CDH12: variants seen among roughly 807,000 people sequenced by gnomAD.
CDH12 encodes cadherin 12, also known as cadherin-12.
A neutral mutation model predicts 74.1 loss-of-function variants in CDH12; 41 were observed. That is an observed-to-expected ratio of 0.55 (90% CI 0.43 to 0.72). The LOEUF is 0.72. Ranked by LOEUF, CDH12 falls within the 30% of genes least tolerant of loss-of-function variation. CDH12 has a pLI of 0.00. For missense variants in CDH12, 945 were observed against 977.2 expected, an observed-to-expected ratio of 0.97 and a Z score of 0.44; for synonymous variants, 399 against 355.0, an observed-to-expected ratio of 1.12 and a Z score of -1.39.
intron 9 of CDH12, among the ~76,000 whole-genome samples, chr5:21,811,740 G>C (rs1747758562): frequency 6.9e-6 from 1 of 144,350 alleles, no homozygotes; most frequent in Non-Finnish European, 1.5e-5. Flanking sequence ...TTCTCAGAGT[G>C]GTAGGATGTG....
At chr5:22,316,803 T>C (rs1738651452) in intron 3 of CDH12, among the ~76,000 whole-genome samples, 1 of 152,152 alleles carries the variant, frequency 6.6e-6, no homozygotes, top group African/African-American at 2.4e-5. Context: ...ATGATATATA[T>C]TTATATTCAA....
intron 3 of CDH12, among the ~76,000 whole-genome samples, chr5:22,320,782 GGT>G (rs1738841563): frequency 6.6e-6 from 1 of 152,112 alleles, no homozygotes; most frequent in South Asian, 2.1e-4. Flanking sequence ...AAAAAACAAA[GGT>G]TTAGTTTTTA....
At chr5:21,899,865 A>G (rs1336406592) in intron 6 of CDH12, among the ~76,000 whole-genome samples, 4 of 151,928 alleles carry the variant, frequency 2.6e-5, no homozygotes, top group African/African-American at 9.7e-5. Flanking sequence ...GATAGAATTC[A>G]TTTTGTTCTT....
chr5:22,450,303 C>A (rs1188315705), intron 2 of CDH12, among the ~76,000 whole-genome samples: 2 of 151,652 alleles, frequency 1.3e-5, no homozygotes, highest in African/African-American at 2.4e-5. Context: ...ATTTTATATC[C>A]CCACGTCAAT....
At chr5:22,072,369 G>C (rs1742001419) in intron 5 of CDH12, among the ~76,000 whole-genome samples, 1 of 151,966 alleles carries the variant, frequency 6.6e-6, no homozygotes, top group South Asian at 2.1e-4. Context: ...AAGCCTCAGG[G>C]CTTACAAAAA....
intron 4 of CDH12, among the ~76,000 whole-genome samples, chr5:22,145,350 G>A (rs570821186): frequency 2.0e-5 from 3 of 152,042 alleles, no homozygotes; most frequent in African/African-American, 7.2e-5. Context: ...CTTTTTATGA[G>A]GCCTTTGTTC....
intron 1 of CDH12, among the ~76,000 whole-genome samples, chr5:22,740,067 A>T (rs1051048278): frequency 6.6e-6 from 1 of 152,158 alleles, no homozygotes; most frequent in Non-Finnish European, 1.5e-5. Context: ...TTTGGGGCAA[A>T]CAGGAATAAG....
At chr5:22,775,451 A>G (rs569899162) in intron 1 of CDH12, among the ~76,000 whole-genome samples, 70 of 152,192 alleles carry the variant, frequency 4.6e-4, no homozygotes, top group African/African-American at 1.7e-3. Flanking sequence ...AACAAACTAA[A>G]ATTTATCTTT....
intron 6 of CDH12, among the ~76,000 whole-genome samples, chr5:21,915,266 T>C (rs1175570483): frequency 1.3e-5 from 2 of 152,136 alleles, no homozygotes; most frequent in African/African-American, 4.8e-5. Flanking sequence ...ACATTAAAAT[T>C]GAGAAATTAT....
At chr5:22,368,469 T>TC (rs1475275363) in intron 3 of CDH12, among the ~76,000 whole-genome samples, 1 of 149,634 alleles carries the variant, frequency 6.7e-6, no homozygotes, top group Non-Finnish European at 1.5e-5. Flanking sequence ...CTGGCTAATT[T>TC]TTTTTTTTTT....
intron 4 of CDH12, among the ~76,000 whole-genome samples, chr5:22,196,266 T>C (rs1750613918): frequency 1.3e-5 from 2 of 151,300 alleles, no homozygotes; most frequent in Admixed American, 1.3e-4. Context: ...TGCCTCAGTC[T>C]CCTGCGTGGC....
chr5:22,478,640 T>G (rs192293973), intron 2 of CDH12, among the ~76,000 whole-genome samples: 1 of 151,950 alleles, frequency 6.6e-6, no homozygotes. Context: ...CATTGACTTC[T>G]GTCCTCAGAG....
chr5:21,904,145 A>C (rs191620328), intron 6 of CDH12, among the ~76,000 whole-genome samples: 2 of 152,246 alleles, frequency 1.3e-5, no homozygotes, highest in African/African-American at 4.8e-5. Flanking sequence ...TCTGCTAATA[A>C]ACTTCATGTT....
At chr5:22,679,715 C>T (rs1294675995) in intron 1 of CDH12, among the ~76,000 whole-genome samples, 1 of 151,956 alleles carries the variant, frequency 6.6e-6, no homozygotes, top group Admixed American at 6.6e-5. Context: ...TCATCATTTG[C>T]CCTTCTATTC....
At chr5:22,246,830 AAGGT>A (rs1167243377) in intron 3 of CDH12, among the ~76,000 whole-genome samples, 1 of 152,128 alleles carries the variant, frequency 6.6e-6, no homozygotes, top group African/African-American at 2.4e-5. Context: ...AATTTTTTTT[AAGGT>A]ATAAGACTGT....
intron 5 of CDH12, among the ~76,000 whole-genome samples, chr5:21,986,339 C>T (rs1049730384): frequency 2.0e-5 from 3 of 152,108 alleles, no homozygotes; most frequent in Admixed American, 2.0e-4. Flanking sequence ...TTGAATATTG[C>T]CTTCATGGCT....
At chr5:21,807,261 G>C (rs1435695899) in intron 9 of CDH12, among the ~76,000 whole-genome samples, 1 of 152,068 alleles carries the variant, frequency 6.6e-6, no homozygotes, top group African/African-American at 2.4e-5. Flanking sequence ...CGAATCAGCA[G>C]CACCCATTTG....
At chr5:22,144,698 T>C (rs1206141374) in intron 4 of CDH12, among the ~76,000 whole-genome samples, 3 of 152,088 alleles carry the variant, frequency 2.0e-5, no homozygotes, top group Non-Finnish European at 1.5e-5. Flanking sequence ...ACCATCTTGT[T>C]ATAAACCAAA....
At chr5:22,434,184 T>C (rs1234661680) in intron 2 of CDH12, among the ~76,000 whole-genome samples, 1 of 152,146 alleles carries the variant, frequency 6.6e-6, no homozygotes, top group East Asian at 1.9e-4. Context: ...TTAAAAATTG[T>C]TGACACAAGA....
Sources: gnomAD v4.1 joint callset for allele counts (sites outside exome capture counted in the v4.1 genomes callset) on GRCh38, gnomAD v4.1.1 for gene constraint, MANE v1.5 for transcripts, NCBI Gene and HGNC (gene_info 2026-07-23, HGNC 2026-07-21) for gene names.